Variants in SAMD5 observed in about 807,000 individuals in gnomAD.
SAMD5 encodes the protein sterile alpha motif domain containing 5.
SAMD5 carries 13 observed loss-of-function variants against 11.3 expected under a neutral mutation model. The observed-to-expected ratio is 1.15, with a 90% CI of 0.75 to 1.83. The LOEUF is 1.83. Among genes scored for constraint, SAMD5 ranks in the 40% most tolerant of loss-of-function variants. The probability of loss-of-function intolerance (pLI) is 0.00; values close to 1 mark genes in which losing one functional copy is unlikely to be tolerated. For missense variants in SAMD5, 255 were observed against 239.1 expected, an observed-to-expected ratio of 1.07 and a Z score of -0.44; for synonymous variants, 129 against 111.3, an observed-to-expected ratio of 1.16 and a Z score of -1.00.
At chr6:147,943,919 C>G in the SAMD5 span, among the ~76,000 whole-genome samples, 1 of 152,152 alleles carries the variant, frequency 6.6e-6, no homozygotes, top group African/African-American at 2.4e-5. Context: ...TCCTGGCTCT[C>G]TGATTGCTGG....
At chr6:147,842,981 TC>T in the SAMD5 span, among the ~76,000 whole-genome samples, 1 of 152,162 alleles carries the variant, frequency 6.6e-6, no homozygotes. Flanking sequence ...CACCTCAGCC[TC>T]TCAAGTAGCT....
intron 1 of SAMD5, among the ~76,000 whole-genome samples, chr6:147,683,668 G>A (rs915255948): frequency 1.3e-5 from 2 of 152,164 alleles, no homozygotes; most frequent in African/African-American, 4.8e-5. Flanking sequence ...TGGCAGAGAA[G>A]CATATGATGA....
At chr6:147,766,917 T>C in the SAMD5 span, among the ~76,000 whole-genome samples, 1 of 152,108 alleles carries the variant, frequency 6.6e-6, no homozygotes, top group Non-Finnish European at 1.5e-5. Flanking sequence ...CATTGACATA[T>C]TGGGAGAAAG....
At chr6:147,927,741 G>A in the SAMD5 span, among the ~76,000 whole-genome samples, 91 of 152,260 alleles carry the variant, frequency 6.0e-4, no homozygotes, top group Middle Eastern at 3.4e-3. Context: ...CTGGTCTTGC[G>A]CCAGTTTGCA....
the SAMD5 span, among the ~76,000 whole-genome samples, chr6:147,745,089 G>C: frequency 6.6e-6 from 1 of 151,978 alleles, no homozygotes; most frequent in Non-Finnish European, 1.5e-5. Context: ...TGTGATAATA[G>C]TATTCTTGTG....
At chr6:147,679,884 A>G (rs1405774337) in intron 1 of SAMD5, among the ~76,000 whole-genome samples, 1 of 151,236 alleles carries the variant, frequency 6.6e-6, no homozygotes, top group Admixed American at 6.6e-5. Context: ...CCTGAATTAT[A>G]TTTAAACCCT....
intron 1 of SAMD5, among the ~76,000 whole-genome samples, chr6:147,723,581 A>G (rs1275465321): frequency 2.6e-5 from 4 of 152,082 alleles, no homozygotes; most frequent in Non-Finnish European, 2.9e-5. Context: ...CTTGTTCATA[A>G]TCATGCAGTA....
chr6:147,825,126 G>A, the SAMD5 span, among the ~76,000 whole-genome samples: 1 of 151,972 alleles, frequency 6.6e-6, no homozygotes, highest in South Asian at 2.1e-4. Flanking sequence ...GTGAAACCCC[G>A]TCTCTACTAA....
chr6:147,564,565 A>C lies in SAMD5; in HGVS notation c.*109A>C. 8.5e-7 allele frequency: 1 copy of C among 1,171,428 alleles called. No homozygotes were observed. The highest frequency in any genetic ancestry group is 1.2e-6 in the Non-Finnish European group (1 of 815,572). The allele number at this position is 1,171,428 out of a possible 1,614,324, so 72.6% of individuals were successfully genotyped here. A position where few individuals can be genotyped will look rare whatever the true frequency, so the allele number is the denominator to read the frequency against. On this transcript the variant is annotated 3_prime_UTR_variant, in exon 2 of 2. Transcript: ENST00000367474. ...GGAAATGGATGATGACCCTGGAAAT[A>C]CTCATCAGCTTAACTTTTTGCTTGG...
rs139210201 is a variant in SAMD5, at chr6:147,619,498, G to A, written c.162+110111G>A. ...GATATGTGGATACTTGTGAGGATAC[G>A]TTTAAGTAAAGATATTCCTTGATAG... On this transcript the variant is annotated intron_variant, in intron 1 of 1. Transcript: ENST00000566741. Among the ~76,000 whole-genome samples, 806 of 152,314 alleles carry A rather than the reference G, an allele frequency of 5.3e-3. 1 individual carries two copies. The highest frequency in any genetic ancestry group is 0.027 in the Middle Eastern group (8 of 294).
At chr6:147,803,393 A>G in the SAMD5 span, among the ~76,000 whole-genome samples, 2 of 152,054 alleles carry the variant, frequency 1.3e-5, no homozygotes, top group Non-Finnish European at 2.9e-5. Flanking sequence ...TGGACATCAC[A>G]TTGGTCTCCT....
the SAMD5 span, among the ~76,000 whole-genome samples, chr6:147,876,549 T>C: frequency 6.6e-6 from 1 of 152,182 alleles, no homozygotes; most frequent in Admixed American, 6.5e-5. Flanking sequence ...CCATCTCTAA[T>C]TCTGTGACTC....
At chr6:147,853,648 T>A in the SAMD5 span, among the ~76,000 whole-genome samples, 1 of 151,718 alleles carries the variant, frequency 6.6e-6, no homozygotes, top group Non-Finnish European at 1.5e-5. Context: ...TTTTTACATA[T>A]CAATTAATGT....
chr6:147,540,333 A>G (rs895168890), intron 1 of SAMD5, among the ~76,000 whole-genome samples: 5 of 152,216 alleles, frequency 3.3e-5, no homozygotes, highest in African/African-American at 1.2e-4. Context: ...TGCTCCTCCC[A>G]GAAGGAGCCT....
At chr6:147,537,791 G>C (rs894924135) in intron 1 of SAMD5, among the ~76,000 whole-genome samples, 14 of 151,406 alleles carry the variant, frequency 9.2e-5, no homozygotes, top group Non-Finnish European at 1.8e-4. Context: ...TTCTCTGATA[G>C]AGGAGACTCA....
At chr6:147,688,694 A>T (rs2128456855) in intron 1 of SAMD5, among the ~76,000 whole-genome samples, 1 of 152,332 alleles carries the variant, frequency 6.6e-6, no homozygotes, top group South Asian at 2.1e-4. Context: ...TGTGCTAGCT[A>T]TCAGGCTCAC....
chr6:147,570,403 ATC>A (rs1789119868), downstream of SAMD5, among the ~76,000 whole-genome samples: 2 of 152,106 alleles, frequency 1.3e-5, no homozygotes, highest in African/African-American at 4.8e-5. Context: ...ACAGCCCTGA[ATC>A]TCTATCACCT....
At chr6:147,861,993 G>A in the SAMD5 span, among the ~76,000 whole-genome samples, 1 of 152,128 alleles carries the variant, frequency 6.6e-6, no homozygotes, top group Admixed American at 6.5e-5. Context: ...GGGAGGTCCA[G>A]TTTTGGGCCA....
chr6:147,907,641 A>T, the SAMD5 span, among the ~76,000 whole-genome samples: 1 of 152,206 alleles, frequency 6.6e-6, no homozygotes, highest in Non-Finnish European at 1.5e-5. Flanking sequence ...CAGTGAGGAC[A>T]TCAGCCAGGA....
Sources: gnomAD v4.1 joint callset for allele counts (sites outside exome capture counted in the v4.1 genomes callset) on GRCh38, gnomAD v4.1.1 for gene constraint, MANE v1.5 for transcripts, NCBI Gene and HGNC (gene_info 2026-07-23, HGNC 2026-07-21) for gene names.